Variants in MALT1 observed in about 807,000 individuals in gnomAD.
MALT1 encodes mucosa-associated lymphoid tissue lymphoma translocation protein 1.
A neutral mutation model predicts 85.5 loss-of-function variants in MALT1; 36 were observed. The observed-to-expected ratio is 0.42, with a 90% CI of 0.32 to 0.56. The LOEUF (loss-of-function observed/expected upper bound fraction) is 0.56. Ranked by LOEUF, MALT1 falls within the 20% of genes least tolerant of loss-of-function variation. MALT1 has a pLI of 0.10. For synonymous variants in MALT1, 359 were observed against 361.3 expected (o/e 0.99, Z 0.07); for missense variants, 716 against 981.6 (o/e 0.73, Z 3.62).
chr18:58,673,510 A>G (rs1480907064), intron 1 of MALT1, among the ~76,000 whole-genome samples: 5 of 151,560 alleles, frequency 3.3e-5, no homozygotes, highest in African/African-American at 1.2e-4. Context: ...GCTGGAGTGC[A>G]GTGGTGTGAT....
rs953508144 is a variant in MALT1 at position 58,671,576 on chromosome 18, G to T, written c.-68G>T. The T allele has an allele frequency of 4.7e-5, 50 of 1,070,068 alleles. No individual in the cohort carries two copies. Among genetic ancestry groups the T allele is most frequent in the Middle Eastern group, 3.5e-4 (1 of 2,848 alleles). 66.3% of individuals were successfully genotyped at this position (1,070,068 alleles called of 1,614,324 possible). ...CGCGGCTCGGAGGCGAGCGGAAGGT[G>T]CCCCGGGGCCGAGGCCCGTGACGGG... is the stretch of plus-strand genomic sequence containing the variant. On this transcript the variant is annotated 5_prime_UTR_variant, in exon 1 of 17. Transcript: ENST00000649217.
intron 10 of MALT1, among the ~76,000 whole-genome samples, chr18:58,724,870 C>T (rs993481943): frequency 9.2e-5 from 14 of 151,840 alleles, no homozygotes; most frequent in Non-Finnish European, 1.6e-4. Flanking sequence ...TTGGGCCGGA[C>T]GCAGTGGCTT....
At chr18:58,690,692 C>T (rs548676230) in intron 2 of MALT1, 4 of 196,186 alleles carry the variant, frequency 2.0e-5, no homozygotes, top group Non-Finnish European at 3.5e-5. Flanking sequence ...TCACGAGCAG[C>T]CACCATACAA....
At position 58,748,346 on chromosome 18, in the gene MALT1, T is replaced by C. The variant is rs1410049052; in HGVS notation, c.*504T>C. ...ACTGCCTTCCTGACAGGTTCTGAGA[T>C]AAGTGTTATGTTTGTAGATAGAGTG... On this transcript the variant is annotated 3_prime_UTR_variant, in exon 17 of 17. Coordinates refer to ENST00000649217, the MANE Select transcript of MALT1 (RefSeq NM_006785.4). The C allele has an allele frequency of 5.1e-6, 1 of 195,936 alleles. No homozygotes were observed. Among genetic ancestry groups the C allele is most frequent in the Admixed American group, 6.0e-5 (1 of 16,598 alleles). 12.1% of individuals were successfully genotyped at this position (195,936 alleles called of 1,614,324 possible). A position where few individuals can be genotyped will look rare whatever the true frequency, so the allele number is the denominator to read the frequency against.
intron 9 of MALT1, among the ~76,000 whole-genome samples, chr18:58,716,776 G>A (rs1453308060): frequency 1.3e-5 from 2 of 152,280 alleles, no homozygotes; most frequent in South Asian, 2.1e-4. Context: ...TTGGTAGGAG[G>A]GGAAAATGTG....
At chr18:58,745,386 C>A (rs774834127) in intron 15 of MALT1, among the ~76,000 whole-genome samples, 1 of 152,228 alleles carries the variant, frequency 6.6e-6, no homozygotes, top group Admixed American at 6.5e-5. Flanking sequence ...TAAGAGGAAA[C>A]TTGAGTAGCT....
chr18:58,714,664 CTAATTT>C (rs146812082), intron 8 of MALT1, among the ~76,000 whole-genome samples: 11,983 of 151,986 alleles, frequency 0.079, 1,561 homozygotes, highest in African/African-American at 0.28. Context: ...ACTCTGTAGG[CTAATTT>C]TAATTAGAAC....
chr18:58,711,339 T>C (rs186716672), intron 7 of MALT1, among the ~76,000 whole-genome samples: 1 of 152,352 alleles, frequency 6.6e-6, no homozygotes, highest in East Asian at 1.9e-4. Context: ...GTCTGTCCTT[T>C]AGCCATGATT....
In MALT1 at chr18:58,671,625, G is replaced by C; in HGVS notation, c.-19G>C. 8.3e-7 allele frequency: 1 copy of C among 1,211,562 alleles called. No individual in the cohort carries two copies. The highest frequency in any genetic ancestry group is 1.0e-6 in the Non-Finnish European group (1 of 974,630). The allele number at this position is 1,211,562 out of a possible 1,614,324, so 75.1% of individuals were successfully genotyped here. On this transcript the variant is annotated 5_prime_UTR_variant, in exon 1 of 17. Coordinates refer to ENST00000649217, the MANE Select transcript of MALT1 (RefSeq NM_006785.4). ...GGGCGGGCGGGAGCCCCGGCAGTCC[G>C]GGGTCGCCGGCGAGGGCCATGTCGC...
At position 58,749,721 on chromosome 18, in the gene MALT1, T is replaced by C. The variant is rs564586700; in HGVS notation, c.*1879T>C. Reference sequence around the variant, plus strand: ...TAATAAAGCACAAAACCCACACAGATTGTCTTATTACAGCATTTGATAAAA... The same window carrying C: ...TAATAAAGCACAAAACCCACACAGACTGTCTTATTACAGCATTTGATAAAA... On this transcript the variant is annotated 3_prime_UTR_variant, in exon 17 of 17. Transcript: ENST00000649217. 3.2e-5 allele frequency: 7 copies of C among 220,296 alleles called. No individual in the cohort carries two copies. The highest frequency in any genetic ancestry group is 1.6e-4 in the African/African-American group (7 of 44,756). 13.6% of individuals were successfully genotyped at this position (220,296 alleles called of 1,614,324 possible). A position where few individuals can be genotyped will look rare whatever the true frequency, so the allele number is the denominator to read the frequency against.
chr18:58,672,828 T>G (rs2054185115), intron 1 of MALT1: 1 of 152,194 alleles, frequency 6.6e-6, no homozygotes. Flanking sequence ...CTATTACAGG[T>G]CACAGAACGC....
chr18:58,689,502 C>A (rs912865696), intron 2 of MALT1, among the ~76,000 whole-genome samples: 2 of 152,140 alleles, frequency 1.3e-5, no homozygotes, highest in African/African-American at 4.8e-5. Context: ...CCACTAACAC[C>A]CACTGCAGTG....
At chr18:58,714,414 G>A (rs1157059960) in intron 8 of MALT1, among the ~76,000 whole-genome samples, 4 of 152,144 alleles carry the variant, frequency 2.6e-5, no homozygotes, top group Non-Finnish European at 5.9e-5. Context: ...GGGGAAGTAC[G>A]TGACCTTTAA....
intron 2 of MALT1, among the ~76,000 whole-genome samples, chr18:58,688,328 G>A (rs9951899): frequency 0.11 from 6,587 of 62,404 alleles, 219 homozygotes; most frequent in African/African-American, 0.25. Context: ...ACACACACAC[G>A]CTTATTAATA....
At chr18:58,728,728 G>A (rs62093464) in intron 10 of MALT1, among the ~76,000 whole-genome samples, 15,556 of 152,190 alleles carry the variant, frequency 0.1, 1,044 homozygotes, top group Admixed American at 0.16. Context: ...TACACTTTTC[G>A]TAAGACATTT....
At chr18:58,684,524 G>A (rs1442640938) in intron 2 of MALT1, among the ~76,000 whole-genome samples, 3 of 131,028 alleles carry the variant, frequency 2.3e-5, no homozygotes, top group South Asian at 2.5e-4. Flanking sequence ...TTGGCTCACC[G>A]CAACCTCTGC....
chr18:58,713,221 T>G (rs2054855759), intron 7 of MALT1, among the ~76,000 whole-genome samples: 1 of 152,188 alleles, frequency 6.6e-6, no homozygotes, highest in African/African-American at 2.4e-5. Flanking sequence ...CATTTGTAAT[T>G]TATTGTTAAT....
At chr18:58,705,593 C>G (rs955517215) in intron 4 of MALT1, among the ~76,000 whole-genome samples, 8 of 146,632 alleles carry the variant, frequency 5.5e-5, no homozygotes, top group African/African-American at 1.8e-4. Context: ...TTTGTTCTTG[C>G]GATAGTTTAC....
chr18:58,685,907 GT>G (rs2054394225), intron 2 of MALT1, among the ~76,000 whole-genome samples: 1 of 151,976 alleles, frequency 6.6e-6, no homozygotes, highest in Non-Finnish European at 1.5e-5. Context: ...CCAAAGGTCT[GT>G]AATGATTTTT....
Sources: allele counts gnomAD v4.1 joint callset (sites outside exome capture counted in the v4.1 genomes callset), GRCh38; gene constraint gnomAD v4.1.1; transcripts MANE v1.5; gene names NCBI Gene and HGNC (gene_info 2026-07-23, HGNC 2026-07-21).